CNIH3: variants seen among roughly 807,000 people sequenced by gnomAD.
The protein encoded by CNIH3 is protein cornichon homolog 3.
A neutral mutation model predicts 24.1 loss-of-function variants in CNIH3; 14 were observed. That is an observed-to-expected ratio of 0.58 (90% CI 0.38 to 0.91). CNIH3 has a LOEUF of 0.91. CNIH3 is among the 40% of genes least tolerant of loss of function. CNIH3 has a pLI of 0.00. For synonymous variants in CNIH3, 68 were observed against 73.8 expected (o/e 0.92, Z 0.40); for missense variants, 178 against 196.8 (o/e 0.90, Z 0.57).
At chr1:224,459,265 G>A (rs953541933) in intron 1 of CNIH3, 47 of 970,192 alleles carry the variant, frequency 4.8e-5, no homozygotes, top group Non-Finnish European at 5.6e-5. Flanking sequence ...ACAGAAGGCC[G>A]AAACCCTGAT....
At chr1:224,551,247 G>T (rs1367064613) in intron 3 of CNIH3, among the ~76,000 whole-genome samples, 1 of 152,066 alleles carries the variant, frequency 6.6e-6, no homozygotes, top group Non-Finnish European at 1.5e-5. Context: ...TATAAATCAT[G>T]CTGCTATAAA....
At chr1:224,478,480 C>G (rs1047997803) in intron 1 of CNIH3, among the ~76,000 whole-genome samples, 2 of 152,076 alleles carry the variant, frequency 1.3e-5, no homozygotes, top group African/African-American at 4.8e-5. Context: ...TTTTTTAACT[C>G]CATAATTTCT....
At chr1:224,601,734 G>A (rs1682219480) in intron 3 of CNIH3, among the ~76,000 whole-genome samples, 1 of 152,162 alleles carries the variant, frequency 6.6e-6, no homozygotes, top group South Asian at 2.1e-4. Flanking sequence ...TGTTGTTTAA[G>A]CCACCCAGTC....
intron 1 of CNIH3, among the ~76,000 whole-genome samples, chr1:224,445,525 G>A (rs957493765): frequency 1.4e-5 from 2 of 140,252 alleles, no homozygotes; most frequent in African/African-American, 5.3e-5. Flanking sequence ...GCAATGAGCT[G>A]AGATCATGCC....
At position 224,617,193 on chromosome 1, in the gene CNIH3, G is replaced by C; in HGVS notation, c.19G>C (p.Ala7Pro). The C allele has an allele frequency of 6.2e-7, 1 of 1,614,158 alleles. No individual in the cohort carries two copies. Among genetic ancestry groups the C allele is most frequent in the Non-Finnish European group, 8.5e-7 (1 of 1,180,024 alleles). Reference protein sequence around the residue: MAFTFAAFCYMLSLVLC... With the variant: MAFTFAPFCYMLSLVLC... ...GCCGGCCATGGCCTTCACTTTCGCT[G>C]CGTTCTGCTACATGCTGTCTCTGGT... The change falls in exon 1 of 6, where the codon GCG (alanine) becomes CCG (proline). Residue 7 changes from alanine to proline, a missense_variant. By Grantham distance (27) the Ala-to-Pro change is conservative. Transcript: ENST00000272133.
At chr1:224,641,439 A>C (rs1684356832) in intron 1 of CNIH3, among the ~76,000 whole-genome samples, 1 of 152,176 alleles carries the variant, frequency 6.6e-6, no homozygotes, top group Non-Finnish European at 1.5e-5. Context: ...ACCCAGGTGC[A>C]ACGCCCTGGG....
intron 1 of CNIH3, chr1:224,454,428 C>T: frequency 5.1e-6 from 3 of 593,892 alleles, no homozygotes; most frequent in Non-Finnish European, 6.3e-6. Context: ...AACCAGTTCT[C>T]TCTTGTTTCT....
chr1:224,479,904 G>T (rs1165841478), intron 1 of CNIH3, among the ~76,000 whole-genome samples: 1 of 152,182 alleles, frequency 6.6e-6, no homozygotes, highest in African/African-American at 2.4e-5. Flanking sequence ...CCATTTGGGG[G>T]TCTGGAGGAC....
intron 1 of CNIH3, among the ~76,000 whole-genome samples, chr1:224,518,469 A>T (rs1262466070): frequency 6.6e-6 from 1 of 151,040 alleles, no homozygotes; most frequent in African/African-American, 2.4e-5. Flanking sequence ...GACTACAGGC[A>T]TGCACCAACA....
At chr1:224,497,258 C>A (rs959785112) in intron 1 of CNIH3, among the ~76,000 whole-genome samples, 1 of 152,194 alleles carries the variant, frequency 6.6e-6, no homozygotes, top group African/African-American at 2.4e-5. Context: ...TACAAGATTT[C>A]TTCCTGGGGT....
At chr1:224,479,915 A>C (rs1168917184) in intron 1 of CNIH3, among the ~76,000 whole-genome samples, 1 of 152,186 alleles carries the variant, frequency 6.6e-6, no homozygotes, top group Non-Finnish European at 1.5e-5. Flanking sequence ...TCTGGAGGAC[A>C]GCGGCCCTAT....
chr1:224,625,076 G>A (rs1051784910), intron 1 of CNIH3, among the ~76,000 whole-genome samples: 8 of 152,180 alleles, frequency 5.3e-5, no homozygotes, highest in Non-Finnish European at 7.3e-5. Context: ...GGCAGAAACT[G>A]TTGCCCTCAC....
chr1:224,599,768 A>G lies in CNIH3; in HGVS notation n.402+33504A>G, dbSNP rs994722625. On this transcript the variant is annotated intron_variant and non_coding_transcript_variant, in intron 3 of 7. Coordinates refer to the CNIH3 transcript ENST00000478120. ...TTGATTTAACAGAAACATTTCTTGTAAAGACAGAGAAAGTATAGATATCAC... is the reference window on the plus strand; with the variant it reads ...TTGATTTAACAGAAACATTTCTTGTGAAGACAGAGAAAGTATAGATATCAC... Among the ~76,000 whole-genome samples, 31 of 152,160 alleles carry G rather than the reference A, an allele frequency of 2.0e-4. 1 individual carries two copies. Among genetic ancestry groups the G allele is most frequent in the Non-Finnish European group, 5.9e-5 (4 of 68,014 alleles).
At position 224,626,084 on chromosome 1, in the gene CNIH3, T is replaced by C. The variant is rs6661740; in HGVS notation, c.81+8829T>C. Among the ~76,000 whole-genome samples the C allele has an allele frequency of 9.7e-3, 1,479 of 152,318 alleles. 28 individuals carry two copies. Among genetic ancestry groups the C allele is most frequent in the African/African-American group, 0.033 (1,378 of 41,566 alleles). ...GCCATTCACATTGCTTCTGAGTTGC[T>C]TCTTCTTCTAGGACCTGGAGGGTCT... On this transcript the variant is annotated intron_variant, in intron 1 of 5. Transcript: ENST00000272133.
intron 1 of CNIH3, among the ~76,000 whole-genome samples, chr1:224,671,789 G>A (rs1334048331): frequency 6.6e-6 from 1 of 152,190 alleles, no homozygotes; most frequent in African/African-American, 2.4e-5. Flanking sequence ...AGACCACTTG[G>A]TGATGGGAGC....
intron 1 of CNIH3, among the ~76,000 whole-genome samples, chr1:224,440,848 G>A (rs998992062): frequency 5.4e-5 from 8 of 148,266 alleles, no homozygotes; most frequent in Admixed American, 4.1e-4. Context: ...ACGGAGTCTC[G>A]CTCTGTCACC....
intron 4 of CNIH3, among the ~76,000 whole-genome samples, chr1:224,570,241 G>T (rs771748237): frequency 1.3e-5 from 2 of 152,198 alleles, no homozygotes; most frequent in African/African-American, 2.4e-5. Flanking sequence ...ATGCGCTGCT[G>T]CAGTTTGGAG....
intron 1 of CNIH3, among the ~76,000 whole-genome samples, chr1:224,496,263 C>A (rs1171776980): frequency 6.6e-6 from 1 of 152,168 alleles, no homozygotes; most frequent in East Asian, 1.9e-4. Context: ...TCTAATTGAT[C>A]CATTCCTGCC....
At chr1:224,734,783 G>A (rs941079196) in intron 5 of CNIH3, 77 bp downstream of exon 5, 142 of 1,504,776 alleles carry the variant, frequency 9.4e-5, no homozygotes, top group African/African-American at 1.8e-4. Context: ...TCTGGGAGGC[G>A]TCCTTTGGGA....
Sources: allele counts gnomAD v4.1 joint callset (sites outside exome capture counted in the v4.1 genomes callset), GRCh38; gene constraint gnomAD v4.1.1; transcripts MANE v1.5; gene names NCBI Gene and HGNC (gene_info 2026-07-23, HGNC 2026-07-21).